Variants in MYO5B observed in about 807,000 individuals in gnomAD.
MYO5B encodes the protein myosin VB.
MYO5B carries 143 observed loss-of-function variants against 229.3 expected under a neutral mutation model. The ratio of observed to expected loss-of-function variants is 0.62; its 90% CI spans 0.54 to 0.72. MYO5B has a LOEUF of 0.72. Ranked by LOEUF, MYO5B falls within the 30% of genes least tolerant of loss-of-function variation. MYO5B has a pLI of 0.00. For missense variants in MYO5B, 2,321 were observed against 2,331.0 expected (o/e 1.00, Z 0.09); for synonymous variants, 918 against 885.2 (o/e 1.04, Z -0.66).
At chr18:49,915,284 T>C (rs893685889) in intron 17 of MYO5B, among the ~76,000 whole-genome samples, 9 of 150,924 alleles carry the variant, frequency 6.0e-5, no homozygotes, top group African/African-American at 2.2e-4. Context: ...CACCCTATTC[T>C]GCCCTATTCT....
Position 49,826,249 on chromosome 18 carries a change from T to C in MYO5B, c.*222A>G. The stretch of plus-strand genomic sequence containing the variant: ...TATATGTGTTGGACTGAAATCAAAC[T>C]TAAAATCTTCCATATTTCAAGTGTT... On this transcript the variant is annotated 3_prime_UTR_variant, in exon 40 of 40. Transcript: ENST00000285039. 1 of 563,856 alleles carries C rather than the reference T, an allele frequency of 1.8e-6. No homozygotes were observed. The allele number at this position is 563,856 out of a possible 1,614,324, so 34.9% of individuals were successfully genotyped here. A position where few individuals can be genotyped will look rare whatever the true frequency, so the allele number is the denominator to read the frequency against.
chr18:49,946,910 T>G, intron 14 of MYO5B, among the ~76,000 whole-genome samples: 1 of 152,116 alleles, frequency 6.6e-6, no homozygotes, highest in East Asian at 1.9e-4. Context: ...ATGACAGGAC[T>G]GAAAGACTAA....
At chr18:50,090,338 CA>C (rs11393869) in intron 1 of MYO5B, among the ~76,000 whole-genome samples, 57 of 136,344 alleles carry the variant, frequency 4.2e-4, no homozygotes, top group South Asian at 2.5e-3. Flanking sequence ...GCAAGACCCT[CA>C]AAAAAAAAAA....
intron 4 of MYO5B, among the ~76,000 whole-genome samples, chr18:50,006,005 G>C (rs2026097502): frequency 6.6e-6 from 1 of 152,182 alleles, no homozygotes; most frequent in Admixed American, 6.5e-5. Flanking sequence ...TTTGAAGTCA[G>C]TCCCAGTGAG....
intron 7 of MYO5B, among the ~76,000 whole-genome samples, chr18:49,987,069 G>A (rs756285116): frequency 1.1e-4 from 17 of 152,074 alleles, no homozygotes; most frequent in Admixed American, 3.9e-4. Context: ...AGCATCTTTC[G>A]AAGACCTTTC....
At chr18:50,002,482 A>G (rs531997444) in intron 4 of MYO5B, among the ~76,000 whole-genome samples, 136 of 152,312 alleles carry the variant, frequency 8.9e-4, no homozygotes, top group African/African-American at 3.1e-3. Flanking sequence ...AAGCCATAGA[A>G]GCTGGTGGAA....
chr18:50,063,116 C>G (rs1568091759), intron 1 of MYO5B, among the ~76,000 whole-genome samples: 1 of 152,068 alleles, frequency 6.6e-6, no homozygotes, highest in Non-Finnish European at 1.5e-5. Flanking sequence ...CACAGCCAGC[C>G]AAAGAATCCC....
intron 1 of MYO5B, among the ~76,000 whole-genome samples, chr18:50,061,760 T>C (rs940898961): frequency 2.0e-5 from 3 of 152,156 alleles, no homozygotes; most frequent in African/African-American, 7.2e-5. Flanking sequence ...AAAACTCCTA[T>C]CTCAGAGTGA....
intron 14 of MYO5B, among the ~76,000 whole-genome samples, chr18:49,945,472 T>G (rs1659724774): frequency 6.6e-6 from 1 of 151,740 alleles, no homozygotes; most frequent in Non-Finnish European, 1.5e-5. Flanking sequence ...TTCATTAATC[T>G]GGAGCTGGAG....
intron 22 of MYO5B, among the ~76,000 whole-genome samples, chr18:49,888,922 G>A (rs1389186072): frequency 1.3e-5 from 2 of 152,258 alleles, no homozygotes; most frequent in African/African-American, 2.4e-5. Context: ...TCCCTCCAGA[G>A]CCTGTGGGAC....
Position 50,043,665 on chromosome 18 carries a change from A to T in MYO5B, c.139-3351T>A, listed in dbSNP as rs576482334. 2.0e-4 allele frequency among the ~76,000 whole-genome samples: 28 copies of T among 139,764 alleles called. 1 individual carries two copies. The South Asian group carries it at 3.9e-3, about 19-fold the overall frequency. The allele number at this position is 139,764 out of a possible 152,430, so 91.7% of individuals were successfully genotyped here. ...TATATTTATAAATATGTAAATATAT[A>T]AAATATATTTATAAATATATATAAA... On this transcript the variant is annotated intron_variant, in intron 2 of 39. Transcript: ENST00000285039.
intron 39 of MYO5B, among the ~76,000 whole-genome samples, chr18:49,832,923 A>T (rs2023940459): frequency 6.6e-6 from 1 of 152,004 alleles, no homozygotes; most frequent in Non-Finnish European, 1.5e-5. Flanking sequence ...CACACAGCCC[A>T]CTCTGAGGTT....
At chr18:50,102,232 T>A (rs1318759491) in intron 1 of MYO5B, among the ~76,000 whole-genome samples, 1 of 152,026 alleles carries the variant, frequency 6.6e-6, no homozygotes, top group Non-Finnish European at 1.5e-5. Context: ...GGGAACAACA[T>A]ACACTGAGAA....
At chr18:50,105,863 C>T (rs1370288520) in intron 1 of MYO5B, among the ~76,000 whole-genome samples, 2 of 152,248 alleles carry the variant, frequency 1.3e-5, no homozygotes, top group African/African-American at 2.4e-5. Flanking sequence ...CCCAGCTCAG[C>T]ACCTTCCAGT....
intron 10 of MYO5B, among the ~76,000 whole-genome samples, chr18:49,968,900 C>T (rs1383945071): frequency 6.6e-6 from 1 of 152,166 alleles, no homozygotes; most frequent in Non-Finnish European, 1.5e-5. Flanking sequence ...ACAGAGAGAA[C>T]ATGGAACTTC....
At chr18:50,003,179 A>G (rs753790146) in intron 4 of MYO5B, among the ~76,000 whole-genome samples, 19 of 152,228 alleles carry the variant, frequency 1.2e-4, no homozygotes, top group Admixed American at 3.9e-4. Context: ...GAAGTGTCCC[A>G]GCTCACACAA....
At chr18:49,933,046 G>T (rs1374152022) in intron 16 of MYO5B, among the ~76,000 whole-genome samples, 2 of 152,330 alleles carry the variant, frequency 1.3e-5, no homozygotes, top group East Asian at 3.9e-4. Flanking sequence ...GGAGCCTGCT[G>T]GATGCAAAGA....
intron 1 of MYO5B, among the ~76,000 whole-genome samples, chr18:50,062,074 C>G (rs566264990): frequency 6.6e-6 from 1 of 152,216 alleles, no homozygotes; most frequent in East Asian, 1.9e-4. Flanking sequence ...CTGTCTACCC[C>G]ACTCCTGGAG....
chr18:50,063,602 G>A (rs745785338), intron 1 of MYO5B, among the ~76,000 whole-genome samples: 10 of 152,278 alleles, frequency 6.6e-5, no homozygotes, highest in Non-Finnish European at 1.2e-4. Flanking sequence ...AGAAAGAGTC[G>A]CTCTGATGCG....
Sources: gnomAD v4.1 joint callset for allele counts (sites outside exome capture counted in the v4.1 genomes callset) on GRCh38, gnomAD v4.1.1 for gene constraint, MANE v1.5 for transcripts, NCBI Gene and HGNC (gene_info 2026-07-23, HGNC 2026-07-21) for gene names.